PTPRD: variants seen among roughly 807,000 people sequenced by gnomAD.
PTPRD encodes protein tyrosine phosphatase receptor type D.
PTPRD carries 34 observed loss-of-function variants against 214.5 expected under a neutral mutation model. The observed-to-expected ratio is 0.16, with a 90% CI of 0.12 to 0.21. The LOEUF is 0.21. Among genes scored for constraint, PTPRD ranks in the 10% least tolerant of loss-of-function variants. PTPRD has a pLI of 1.00. For missense variants in PTPRD, 2,545 were observed against 2,398.7 expected (o/e 1.06, Z -1.27); for synonymous variants, 1,128 against 845.7 (o/e 1.33, Z -5.79).
intron 7 of PTPRD, among the ~76,000 whole-genome samples, chr9:9,670,390 A>G (rs2096804675): frequency 6.6e-6 from 1 of 152,144 alleles, no homozygotes; most frequent in African/African-American, 2.4e-5. Context: ...AGTTAAGAAA[A>G]TTTCCAGCCT....
intron 8 of PTPRD, among the ~76,000 whole-genome samples, chr9:9,479,948 A>G (rs919460434): frequency 1.3e-5 from 2 of 152,170 alleles, no homozygotes; most frequent in African/African-American, 4.8e-5. Flanking sequence ...CTGACAGGCT[A>G]CTCAGAAAGA....
rs148174362 is a variant in PTPRD, at chr9:9,066,948, T to C, written c.-142-48213A>G. ...AAAAGGATTATGTGGTAATCCCTAT[T>C]AAAACTTGTCCTGGCTGGGCGCCAT... On this transcript the variant is annotated intron_variant, in intron 10 of 45. Coordinates refer to ENST00000381196, the MANE Select transcript of PTPRD (RefSeq NM_002839.4). Among the ~76,000 whole-genome samples the C allele has an allele frequency of 3.5e-3, 530 of 152,316 alleles. 2 individuals carry two copies. Among genetic ancestry groups the C allele is most frequent in the African/African-American group, 0.012 (478 of 41,562 alleles).
chr9:10,561,900 A>C (rs2064073476), intron 2 of PTPRD, among the ~76,000 whole-genome samples: 1 of 152,164 alleles, frequency 6.6e-6, no homozygotes, highest in Non-Finnish European at 1.5e-5. Flanking sequence ...CTGGCTTATA[A>C]ATAAGTATGT....
chr9:9,974,299 A>G (rs967231102), intron 4 of PTPRD, among the ~76,000 whole-genome samples: 2 of 152,198 alleles, frequency 1.3e-5, no homozygotes, highest in Non-Finnish European at 2.9e-5. Flanking sequence ...ATTTTTCTAT[A>G]CAAGTATGCA....
At chr9:8,339,427 T>C (rs1437644468) in intron 42 of PTPRD, among the ~76,000 whole-genome samples, 5 of 152,108 alleles carry the variant, frequency 3.3e-5, no homozygotes, top group South Asian at 2.1e-4. Context: ...CACCACAGCA[T>C]ACTTGCACCA....
At chr9:8,987,247 A>G (rs2099349069) in intron 11 of PTPRD, among the ~76,000 whole-genome samples, 1 of 152,058 alleles carries the variant, frequency 6.6e-6, no homozygotes, top group African/African-American at 2.4e-5. Flanking sequence ...ACGATTGGCC[A>G]GGGTGAAAGG....
At chr9:10,013,138 G>A (rs773138682) in intron 4 of PTPRD, among the ~76,000 whole-genome samples, 21 of 151,750 alleles carry the variant, frequency 1.4e-4, no homozygotes, top group Admixed American at 2.0e-4. Context: ...TGAGTATACC[G>A]AGTATACCTA....
intron 3 of PTPRD, among the ~76,000 whole-genome samples, chr9:10,210,571 A>G (rs75308145): frequency 0.016 from 2,438 of 151,690 alleles, 60 homozygotes; most frequent in African/African-American, 0.056. Context: ...TAAGTCCTCA[A>G]TAAAGTGACT....
intron 34 of PTPRD, among the ~76,000 whole-genome samples, chr9:8,445,996 G>T (rs899809590): frequency 2.0e-5 from 3 of 152,126 alleles, no homozygotes; most frequent in Admixed American, 6.5e-5. Context: ...TCTTTGGAAG[G>T]CTCTCAGCAG....
chr9:9,500,439 G>C (rs1207471606), intron 8 of PTPRD, among the ~76,000 whole-genome samples: 5 of 152,078 alleles, frequency 3.3e-5, no homozygotes, highest in Non-Finnish European at 7.4e-5. Flanking sequence ...GGAAGGTACA[G>C]CTAAAGAACA....
At chr9:9,127,390 G>C (rs1246892378) in intron 10 of PTPRD, among the ~76,000 whole-genome samples, 1 of 152,208 alleles carries the variant, frequency 6.6e-6, no homozygotes, top group Non-Finnish European at 1.5e-5. Flanking sequence ...ATGGTAGTAT[G>C]AACTAGGTGG....
chr9:8,988,685 G>A (rs939612395), intron 11 of PTPRD, among the ~76,000 whole-genome samples: 4 of 151,522 alleles, frequency 2.6e-5, no homozygotes, highest in Non-Finnish European at 5.9e-5. Context: ...GATTTTTTTA[G>A]GCTCTCCTTC....
At chr9:8,929,370 C>A (rs887837452) in intron 11 of PTPRD, among the ~76,000 whole-genome samples, 1 of 151,958 alleles carries the variant, frequency 6.6e-6, no homozygotes, top group Admixed American at 6.6e-5. Context: ...TCCATCAATA[C>A]CTAGTTTATT....
chr9:10,025,309 T>C (rs1335411388), intron 4 of PTPRD, among the ~76,000 whole-genome samples: 1 of 152,220 alleles, frequency 6.6e-6, no homozygotes, highest in Non-Finnish European at 1.5e-5. Context: ...CCTGACATTT[T>C]AATGATCGCC....
intron 9 of PTPRD, among the ~76,000 whole-genome samples, chr9:9,341,352 G>A (rs968117151): frequency 4.6e-5 from 7 of 152,036 alleles, no homozygotes; most frequent in Non-Finnish European, 8.8e-5. Flanking sequence ...TCTCCATTCA[G>A]TTGTTGCTCC....
At position 8,714,245 on chromosome 9, in the gene PTPRD, G is replaced by C. The variant is rs16928314; in HGVS notation, c.64+19535C>G. Reference sequence around the variant, plus strand: ...ATGATTATTTTCCATATTGTAATCAGAGTAATCCTAACAAAGCACAAATAT... The same window carrying C: ...ATGATTATTTTCCATATTGTAATCACAGTAATCCTAACAAAGCACAAATAT... On this transcript the variant is annotated intron_variant, in intron 12 of 45. Transcript: ENST00000381196. Among the ~76,000 whole-genome samples, 48 of 152,254 alleles carry C rather than the reference G, an allele frequency of 3.2e-4. 2 individuals are homozygous for C. The East Asian group carries it at 6.6e-3, about 21-fold the overall frequency.
At chr9:10,410,283 AC>A (rs1204322356) in intron 2 of PTPRD, among the ~76,000 whole-genome samples, 8 of 142,912 alleles carry the variant, frequency 5.6e-5, no homozygotes, top group Non-Finnish European at 1.1e-4. Context: ...ACACACACAC[AC>A]AATATATAAT....
At chr9:9,833,931 T>A (rs2055887891) in intron 5 of PTPRD, among the ~76,000 whole-genome samples, 1 of 152,166 alleles carries the variant, frequency 6.6e-6, no homozygotes, top group Admixed American at 6.6e-5. Flanking sequence ...ACATGCTGTA[T>A]AATTTTTGTA....
intron 11 of PTPRD, among the ~76,000 whole-genome samples, chr9:8,985,206 A>G (rs1489697962): frequency 2.6e-5 from 4 of 152,054 alleles, no homozygotes; most frequent in African/African-American, 9.7e-5. Context: ...GAGAACAACT[A>G]TCTTACATAC....
Sources: gnomAD v4.1 joint callset for allele counts (sites outside exome capture counted in the v4.1 genomes callset) on GRCh38, gnomAD v4.1.1 for gene constraint, MANE v1.5 for transcripts, NCBI Gene and HGNC (gene_info 2026-07-23, HGNC 2026-07-21) for gene names.